The following CACNA2D3 variants were observed in gnomAD, a reference collection of about 807,000 sequenced individuals.
CACNA2D3 encodes the protein calcium voltage-gated channel auxiliary subunit alpha2delta 3.
A neutral mutation model predicts 160.6 loss-of-function variants in CACNA2D3; 60 were observed. That is an observed-to-expected ratio of 0.37 (90% CI 0.30 to 0.46). The LOEUF is 0.46. Ranked by LOEUF, CACNA2D3 falls within the 20% of genes least tolerant of loss-of-function variation. CACNA2D3 has a pLI of 1.00. For missense variants in CACNA2D3, 1,205 were observed against 1,365.0 expected, an observed-to-expected ratio of 0.88 and a Z score of 1.85; for synonymous variants, 558 against 492.9, an observed-to-expected ratio of 1.13 and a Z score of -1.75.
intron 27 of CACNA2D3, among the ~76,000 whole-genome samples, chr3:54,915,363 A>G (rs1219232650): frequency 6.6e-6 from 1 of 152,212 alleles, no homozygotes; most frequent in Non-Finnish European, 1.5e-5. Flanking sequence ...ACCCGTCTGT[A>G]GCCATACTGT....
rs533709578 is a variant in CACNA2D3 at position 54,273,354 on chromosome 3, G to C, written c.205-47088G>C. On this transcript the variant is annotated intron_variant, in intron 2 of 37. Transcript: ENST00000474759. The stretch of plus-strand genomic sequence containing the variant: ...TATTTTTTTCTCCCTCTCCTTCTTT[G>C]TCTCTTTGTCTGTGTCTGTCTGTCT... Among the ~76,000 whole-genome samples the C allele has an allele frequency of 2.0e-5, 3 of 152,014 alleles. No individual in the cohort carries two copies. In the South Asian group the frequency reaches 6.2e-4, roughly 32 times the overall value.
intron 35 of CACNA2D3, among the ~76,000 whole-genome samples, chr3:55,071,370 G>A (rs1011145041): frequency 1.3e-5 from 2 of 152,140 alleles, no homozygotes; most frequent in African/African-American, 2.4e-5. Context: ...TGGCAGTCAT[G>A]TGTCTGTAGG....
intron 34 of CACNA2D3, among the ~76,000 whole-genome samples, chr3:55,017,762 A>G (rs1169180587): frequency 6.6e-6 from 1 of 152,236 alleles, no homozygotes; most frequent in East Asian, 1.9e-4. Context: ...CTTCAAAGAC[A>G]TTACGTATTT....
At chr3:54,932,837 C>T (rs779928759) in intron 27 of CACNA2D3, among the ~76,000 whole-genome samples, 9 of 152,202 alleles carry the variant, frequency 5.9e-5, no homozygotes, top group Non-Finnish European at 1.2e-4. Context: ...GGCCTAGTGA[C>T]AGCTGCAGCC....
intron 3 of CACNA2D3, among the ~76,000 whole-genome samples, chr3:54,332,549 C>G (rs1275376949): frequency 6.6e-6 from 1 of 152,214 alleles, no homozygotes; most frequent in African/African-American, 2.4e-5. Context: ...TTCAGGTTCT[C>G]TGATTTATCT....
intron 3 of CACNA2D3, among the ~76,000 whole-genome samples, chr3:54,371,038 T>C (rs1172916739): frequency 6.6e-6 from 1 of 152,236 alleles, no homozygotes; most frequent in African/African-American, 2.4e-5. Context: ...AGTCATCTGC[T>C]ACATCTCAAT....
intron 11 of CACNA2D3, among the ~76,000 whole-genome samples, chr3:54,661,597 A>C (rs1699972637): frequency 6.6e-6 from 1 of 152,118 alleles, no homozygotes; most frequent in Non-Finnish European, 1.5e-5. Context: ...ATCCAGAGAG[A>C]GTCATCTTAA....
intron 2 of CACNA2D3, among the ~76,000 whole-genome samples, chr3:54,272,286 A>G (rs1006383963): frequency 3.3e-5 from 5 of 152,112 alleles, no homozygotes; most frequent in Non-Finnish European, 5.9e-5. Context: ...TCAAGGCTAG[A>G]GCAGTTTTGC....
At chr3:54,503,386 A>T in intron 4 of CACNA2D3, 106 bp from the exon 5 acceptor site, 1 of 912,706 alleles carries the variant, frequency 1.1e-6, no homozygotes, top group South Asian at 1.5e-5. Context: ...TGAGCAGATC[A>T]GGGTCCACAG....
chr3:54,376,609 C>T (rs1280468947), intron 3 of CACNA2D3, among the ~76,000 whole-genome samples: 2 of 152,036 alleles, frequency 1.3e-5, no homozygotes, highest in Admixed American at 1.3e-4. Context: ...TAGTTATTTG[C>T]CTCTTCTCCC....
intron 11 of CACNA2D3, among the ~76,000 whole-genome samples, chr3:54,734,336 A>G (rs1234106837): frequency 2.0e-5 from 3 of 152,148 alleles, no homozygotes; most frequent in Non-Finnish European, 4.4e-5. Flanking sequence ...AATTCACCCC[A>G]TGACTCCTTT....
intron 4 of CACNA2D3, among the ~76,000 whole-genome samples, chr3:54,501,596 T>C (rs1319872396): frequency 6.6e-6 from 1 of 151,816 alleles, no homozygotes; most frequent in Non-Finnish European, 1.5e-5. Context: ...ATTTTTTTTT[T>C]TTTTGTAGAG....
chr3:55,066,474 G>A (rs1318541792), intron 35 of CACNA2D3, among the ~76,000 whole-genome samples: 1 of 152,110 alleles, frequency 6.6e-6, no homozygotes, highest in East Asian at 1.9e-4. Context: ...TGTGGTCCTC[G>A]GGGGATCTTA....
intron 18 of CACNA2D3, among the ~76,000 whole-genome samples, chr3:54,876,712 TA>T (rs56098937): frequency 2.6e-5 from 4 of 152,202 alleles, no homozygotes; most frequent in Non-Finnish European, 5.9e-5. Context: ...TCTCCACCTG[TA>T]AAATGGAGAT....
At chr3:54,554,893 G>A (rs1304816124) in intron 5 of CACNA2D3, among the ~76,000 whole-genome samples, 2 of 34,232 alleles carry the variant, frequency 5.8e-5, no homozygotes, top group African/African-American at 3.0e-4. Context: ...TTTTTTTTTG[G>A]AGACAAGGTC....
chr3:55,016,074 G>A (rs1199045986), intron 34 of CACNA2D3, among the ~76,000 whole-genome samples: 1 of 152,164 alleles, frequency 6.6e-6, no homozygotes, highest in Non-Finnish European at 1.5e-5. Flanking sequence ...CTTGTATTCA[G>A]CAGGCATTTA....
chr3:54,458,453 G>GTT (rs556768852), intron 4 of CACNA2D3, among the ~76,000 whole-genome samples: 10 of 144,790 alleles, frequency 6.9e-5, no homozygotes, highest in South Asian at 2.1e-4. Flanking sequence ...TTTGCTGGCA[G>GTT]TTTTTTTTTT....
At chr3:54,608,109 T>C (rs893267215) in intron 9 of CACNA2D3, among the ~76,000 whole-genome samples, 1 of 152,216 alleles carries the variant, frequency 6.6e-6, no homozygotes, top group Non-Finnish European at 1.5e-5. Flanking sequence ...AGTCTATTCT[T>C]GTGATAAAAT....
At position 55,018,387 on chromosome 3, in the gene CACNA2D3, T is replaced by A; in HGVS notation, c.2987+70T>A. On this transcript the variant is annotated intron_variant, in intron 35 of 37. Coordinates refer to ENST00000474759, the MANE Select transcript of CACNA2D3 (RefSeq NM_018398.3). Reference sequence around the variant, plus strand: ...AGCACAGAACTTTCCCAGATGGGTCTGTGTGACTTGCAGGCACAGTTACAC... The same window carrying A: ...AGCACAGAACTTTCCCAGATGGGTCAGTGTGACTTGCAGGCACAGTTACAC... 3.4e-6 allele frequency: 3 copies of A among 892,606 alleles called. No individual in the cohort carries two copies. The Admixed American group carries it at 5.9e-5, about 18-fold the overall frequency. The allele number at this position is 892,606 out of a possible 1,614,324, so 55.3% of individuals were successfully genotyped here. A position where few individuals can be genotyped will look rare whatever the true frequency, so the allele number is the denominator to read the frequency against.
Sources: gnomAD v4.1 joint callset for allele counts (sites outside exome capture counted in the v4.1 genomes callset) on GRCh38, gnomAD v4.1.1 for gene constraint, MANE v1.5 for transcripts, NCBI Gene and HGNC (gene_info 2026-07-23, HGNC 2026-07-21) for gene names.